Variants in LYPLAL1 observed in about 807,000 individuals in gnomAD.
LYPLAL1 encodes lysophospholipase like 1, also known as lysophospholipase-like protein 1.
In LYPLAL1, 23 loss-of-function variants were observed where a neutral mutation model predicts 19.7. That is an observed-to-expected ratio of 1.17 (90% CI 0.84 to 1.65). LYPLAL1 has a LOEUF of 1.65. Among genes scored for constraint, LYPLAL1 ranks in the 40% most tolerant of loss-of-function variants. The pLI is 0.00. For synonymous variants in LYPLAL1, 119 were observed against 96.3 expected, an observed-to-expected ratio of 1.24 and a Z score of -1.38; for missense variants, 355 against 279.4, an observed-to-expected ratio of 1.27 and a Z score of -1.93.
At chr1:219,199,173 A>G (rs1347900327) in intron 3 of LYPLAL1, among the ~76,000 whole-genome samples, 1 of 152,202 alleles carries the variant, frequency 6.6e-6, no homozygotes, top group Non-Finnish European at 1.5e-5. Context: ...TGAGTCCCTC[A>G]GTTACCCTGT....
chr1:219,331,346 AAAC>A, the LYPLAL1 span, among the ~76,000 whole-genome samples: 1 of 152,168 alleles, frequency 6.6e-6, no homozygotes, highest in Admixed American at 6.6e-5. Context: ...CAGTAGCTTA[AAAC>A]AACAATTACT....
At chr1:219,306,811 TATAGATAGATAGATAG>T in the LYPLAL1 span, among the ~76,000 whole-genome samples, 28 of 132,564 alleles carry the variant, frequency 2.1e-4, no homozygotes, top group South Asian at 1.8e-3. Context: ...CATAGATAGA[TATAGATAGATAGATAG>T]ATAGATAGAT....
the LYPLAL1 span, among the ~76,000 whole-genome samples, chr1:219,306,849 T>TAGATAGATAGATAGAC: frequency 8.2e-4 from 111 of 135,390 alleles, no homozygotes; most frequent in African/African-American, 2.6e-3. Flanking sequence ...GATAGATAGA[T>TAGATAGATAGATAGAC]AGACAGACAG....
At chr1:219,349,215 G>A in the LYPLAL1 span, among the ~76,000 whole-genome samples, 1 of 152,132 alleles carries the variant, frequency 6.6e-6, no homozygotes, top group South Asian at 2.1e-4. Context: ...CTTTATTTTA[G>A]TGCTCTTGAA....
At chr1:219,228,700 A>G in the LYPLAL1 span, among the ~76,000 whole-genome samples, 260 of 151,972 alleles carry the variant, frequency 1.7e-3, 5 homozygotes, top group African/African-American at 5.7e-3. Context: ...TTATTTTGAG[A>G]CGGAGTTTTG....
chr1:219,249,326 C>G, the LYPLAL1 span, among the ~76,000 whole-genome samples: 1 of 152,024 alleles, frequency 6.6e-6, no homozygotes, highest in African/African-American at 2.4e-5. Flanking sequence ...GTTAATGGCC[C>G]TCTTTCATCA....
rs1558248220 is a variant in LYPLAL1, at chr1:219,211,657, A to G, written c.643A>G (p.Lys215Glu). Residue 215 changes from lysine to glutamate, a missense_variant, in exon 5 of 5, where the codon AAA (lysine) becomes GAA (glutamate). Lys to Glu is a moderately conservative substitution (Grantham distance 56, BLOSUM62 1). Transcript: ENST00000366928. ...SFPNVYHELS[K>E]TELDILKLWI... The stretch of plus-strand genomic sequence containing the variant: ...TCCAAATGTTTACCATGAGCTAAGC[A>G]AAACTGAGTTAGACATATTGAAGTT... 2 of 1,613,426 alleles carry G rather than the reference A, an allele frequency of 1.2e-6. No homozygotes were observed. Among genetic ancestry groups the G allele is most frequent in the Middle Eastern group, 1.7e-4 (1 of 6,052 alleles).
At chr1:219,436,005 C>T in the LYPLAL1 span, among the ~76,000 whole-genome samples, 4 of 152,182 alleles carry the variant, frequency 2.6e-5, no homozygotes, top group Non-Finnish European at 4.4e-5. Flanking sequence ...TACTCCTTTT[C>T]ATTCTGCCCC....
At chr1:219,345,371 C>A in the LYPLAL1 span, among the ~76,000 whole-genome samples, 1 of 152,092 alleles carries the variant, frequency 6.6e-6, no homozygotes, top group Non-Finnish European at 1.5e-5. Flanking sequence ...AAGCATATAC[C>A]CACATGAAGC....
the LYPLAL1 span, among the ~76,000 whole-genome samples, chr1:219,256,996 A>G: frequency 4.7e-3 from 715 of 152,126 alleles, 5 homozygotes; most frequent in South Asian, 0.023. Context: ...AAATTTTAGT[A>G]AATATTCCAT....
In LYPLAL1 at chr1:219,193,366, A is replaced by T. The variant is rs1657356508; in HGVS notation, c.361+115A>T. ...CTTGTATATCATTCGATGCATTCAT[A>T]GTTTCAGATAAACTTTACATATTGA... is the stretch of plus-strand genomic sequence containing the variant. On this transcript the variant is annotated intron_variant, in intron 3 of 4. Transcript: ENST00000366928. The T allele has an allele frequency of 6.0e-6, 4 of 662,020 alleles. No homozygotes were observed. The South Asian group carries it at 1.4e-4, about 23-fold the overall frequency. 41.0% of individuals were successfully genotyped at this position (662,020 alleles called of 1,614,324 possible).
At chr1:219,379,868 T>TAA in the LYPLAL1 span, among the ~76,000 whole-genome samples, 1 of 152,216 alleles carries the variant, frequency 6.6e-6, no homozygotes, top group African/African-American at 2.4e-5. Context: ...TGTTAATTTT[T>TAA]AAAGAAGCTT....
chr1:219,435,781 A>G, the LYPLAL1 span, among the ~76,000 whole-genome samples: 1 of 152,038 alleles, frequency 6.6e-6, no homozygotes, highest in African/African-American at 2.4e-5. Context: ...AGCCGAGACC[A>G]CACCATTACA....
the LYPLAL1 span, among the ~76,000 whole-genome samples, chr1:219,379,309 C>G: frequency 5.3e-5 from 8 of 152,102 alleles, no homozygotes; most frequent in Admixed American, 1.3e-4. Context: ...TCCTTGGGGT[C>G]GAGGAGGGAA....
At chr1:219,432,303 T>A in the LYPLAL1 span, among the ~76,000 whole-genome samples, 2 of 152,222 alleles carry the variant, frequency 1.3e-5, no homozygotes, top group African/African-American at 4.8e-5. Flanking sequence ...ATTATTTGCT[T>A]TCTTAACCAC....
intron 1 of LYPLAL1, among the ~76,000 whole-genome samples, chr1:219,178,323 G>A (rs1655984764): frequency 6.6e-6 from 1 of 152,066 alleles, no homozygotes; most frequent in Admixed American, 6.5e-5. Context: ...TTCACAATAT[G>A]CTACACACTC....
chr1:219,392,167 G>A, the LYPLAL1 span, among the ~76,000 whole-genome samples: 3 of 152,144 alleles, frequency 2.0e-5, no homozygotes. Context: ...TCTCAGGTCA[G>A]AGGTGCTGCT....
At chr1:219,237,817 C>G in the LYPLAL1 span, among the ~76,000 whole-genome samples, 1 of 152,138 alleles carries the variant, frequency 6.6e-6, no homozygotes, top group Non-Finnish European at 1.5e-5. Context: ...ATTCTCTTCA[C>G]CTGTCCCACA....
chr1:219,394,934 A>G, the LYPLAL1 span, among the ~76,000 whole-genome samples: 1 of 152,320 alleles, frequency 6.6e-6, no homozygotes, highest in South Asian at 2.1e-4. Context: ...CCTCTAGCTC[A>G]TTCATGTTTC....
Sources: allele counts gnomAD v4.1 joint callset (sites outside exome capture counted in the v4.1 genomes callset), GRCh38; gene constraint gnomAD v4.1.1; transcripts MANE v1.5; gene names NCBI Gene and HGNC (gene_info 2026-07-23, HGNC 2026-07-21).